Variants in NISCH observed in about 807,000 individuals in gnomAD.
NISCH encodes the protein I-1 receptor candidate protein.
NISCH carries 55 observed loss-of-function variants against 138.4 expected under a neutral mutation model. That is an observed-to-expected ratio of 0.40 (90% confidence interval 0.32 to 0.50). The LOEUF (loss-of-function observed/expected upper bound fraction) is 0.50, where lower values mean the gene tolerates loss of function less well. Ranked by LOEUF, NISCH falls within the 20% of genes least tolerant of loss-of-function variation. NISCH has a pLI of 0.71. For synonymous variants in NISCH, 860 were observed against 861.5 expected, an observed-to-expected ratio of 1.00 and a Z score of 0.03; for missense variants, 1,643 against 2,005.5, an observed-to-expected ratio of 0.82 and a Z score of 3.45.
intron 3 of NISCH, among the ~76,000 whole-genome samples, chr3:52,464,517 CTTTTTTTTTTTT>C (rs71084185): frequency 6.2e-4 from 47 of 75,826 alleles, no homozygotes; most frequent in African/African-American, 2.5e-3. Flanking sequence ...TGTGAGTTGT[CTTTTTTTTTTTT>C]TTTTTTTTTT....
chr3:52,489,702 A>C (rs750764020), intron 17 of NISCH, 24 bp downstream of exon 17: 10 of 1,601,802 alleles, frequency 6.2e-6, no homozygotes, highest in Admixed American at 3.4e-5. Context: ...TGTGGGTGCC[A>C]GCTATGGCAC....
rs527419839 is a variant in NISCH at position 52,492,422 on chromosome 3, G to A, written c.4455G>A (p.Leu1485=). 38 of 1,612,608 alleles carry A rather than the reference G, an allele frequency of 2.4e-5. 1 individual carries two copies. The South Asian group carries it at 3.8e-4, about 16-fold the overall frequency. Residue 1485 remains leucine (L), a synonymous_variant, in exon 21 of 21, where the codon CTG becomes CTA. Coordinates refer to ENST00000345716, the MANE Select transcript of NISCH (RefSeq NM_007184.4). The part of the protein sequence containing the change: ...SAESREKLIS[L]LARQWEALCG... ...AGAGCAGAGAGAAGCTCATCTCGCT[G>A]TTGGCTCGCCAGTGGGAGGCCCTGT...
chr3:52,492,622 G>C lies in NISCH; in HGVS notation c.*140G>C. ...CCTCGCAGAGAATGTGAACATGTGT[G>C]TGTGTTGTGTTAATTCTTTCTCATG... is the stretch of plus-strand genomic sequence containing the variant. On this transcript the variant is annotated 3_prime_UTR_variant, in exon 21 of 21. Coordinates refer to ENST00000345716, the MANE Select transcript of NISCH (RefSeq NM_007184.4). 2.7e-6 allele frequency: 3 copies of C among 1,125,406 alleles called. No homozygotes were observed. The highest frequency in any genetic ancestry group is 3.7e-6 in the Non-Finnish European group (3 of 818,048). 69.7% of individuals were successfully genotyped at this position (1,125,406 alleles called of 1,614,324 possible). A position where few individuals can be genotyped will look rare whatever the true frequency, so the allele number is the denominator to read the frequency against.
intron 16 of NISCH, among the ~76,000 whole-genome samples, 196 bp from the exon 17 acceptor site, chr3:52,489,140 A>G (rs1030412411): frequency 6.6e-6 from 1 of 152,104 alleles, no homozygotes; most frequent in South Asian, 2.1e-4. Flanking sequence ...TCAGCCTCCC[A>G]AAGTGCTGGG....
intron 14 of NISCH, among the ~76,000 whole-genome samples, 198 bp downstream of exon 14, chr3:52,484,835 G>A (rs1385843079): frequency 6.6e-6 from 1 of 151,866 alleles, no homozygotes; most frequent in South Asian, 2.1e-4. Flanking sequence ...AGTGGTTAAG[G>A]GTTTATTTTC....
At chr3:52,462,894 C>T (rs554468139) in intron 3 of NISCH, among the ~76,000 whole-genome samples, 2 of 152,130 alleles carry the variant, frequency 1.3e-5, no homozygotes, top group Non-Finnish European at 2.9e-5. Context: ...CCTCAGCCTC[C>T]CAAAGTGCTG....
intron 7 of NISCH, 35 bp from the exon 8 acceptor site, chr3:52,476,412 C>T (rs756278866): frequency 9.3e-6 from 15 of 1,608,518 alleles, no homozygotes; most frequent in South Asian, 4.4e-5. Context: ...CGTGAGGGCC[C>T]GAGTGTGGTG....
In NISCH at chr3:52,488,168, C is replaced by T; in HGVS notation, c.2676C>T (p.Arg892=). Residue 892 remains arginine, a synonymous_variant, in exon 16 of 21, where the codon CGC becomes CGT. Transcript: ENST00000345716. ...ASCTLCSAVR[R]SCCAPSEAVK... is the part of the protein sequence containing the mutation. ...GCACACTCTGTTCAGCCGTGCGGCGCTCCTGCTGCGCGCCCTCTGAGGCCG... is the reference window on the plus strand; with the variant it reads ...GCACACTCTGTTCAGCCGTGCGGCGTTCCTGCTGCGCGCCCTCTGAGGCCG... The T allele has an allele frequency of 6.2e-7, 1 of 1,613,388 alleles. No individual in the cohort carries two copies. The highest frequency in any genetic ancestry group is 8.5e-7 in the Non-Finnish European group (1 of 1,179,972).
At chr3:52,491,225 C>T in intron 19 of NISCH, 127 bp from the exon 20 acceptor site, 8 of 1,402,014 alleles carry the variant, frequency 5.7e-6, no homozygotes, top group South Asian at 1.5e-5. Flanking sequence ...ATGATTCTTT[C>T]CTGTGTGGGC....
intron 17 of NISCH, 64 bp from the exon 18 acceptor site, chr3:52,490,011 G>T: frequency 6.3e-7 from 1 of 1,591,096 alleles, no homozygotes; most frequent in Non-Finnish European, 8.6e-7. Flanking sequence ...GAAGCTGTGG[G>T]CATGTCCCTG....
intron 3 of NISCH, among the ~76,000 whole-genome samples, chr3:52,461,723 C>T (rs1706636886): frequency 6.6e-6 from 1 of 152,002 alleles, no homozygotes; most frequent in African/African-American, 2.4e-5. Flanking sequence ...ATTAGCCAGG[C>T]ATGGTGGTGG....
intron 8 of NISCH, among the ~76,000 whole-genome samples, chr3:52,476,836 C>A (rs1007882759): frequency 6.6e-6 from 1 of 152,014 alleles, no homozygotes. Flanking sequence ...GAGTTCGAGA[C>A]CAGCCTGACC....
intron 13 of NISCH, 167 bp from the exon 14 acceptor site, chr3:52,484,346 A>G: frequency 3.4e-6 from 2 of 582,220 alleles, no homozygotes; most frequent in South Asian, 4.7e-5. Context: ...AGTTATTTTG[A>G]GATTTCAGTT....
At chr3:52,460,587 A>G (rs1404082144) in intron 3 of NISCH, among the ~76,000 whole-genome samples, 4 of 152,040 alleles carry the variant, frequency 2.6e-5, no homozygotes, top group African/African-American at 9.7e-5. Context: ...ATTTTTTTGT[A>G]GAGATGGGGT....
intron 7 of NISCH, among the ~76,000 whole-genome samples, chr3:52,474,293 G>C (rs557372378): frequency 6.7e-6 from 1 of 149,556 alleles, no homozygotes; most frequent in African/African-American, 2.5e-5. Flanking sequence ...TTTGTTTTTT[G>C]TTGTTGTTGT....
At chr3:52,486,965 G>A (rs569941675) in intron 15 of NISCH, among the ~76,000 whole-genome samples, 1 of 152,228 alleles carries the variant, frequency 6.6e-6, no homozygotes, top group Non-Finnish European at 1.5e-5. Flanking sequence ...TATGGTCCAA[G>A]CCCCTAGAAG....
intron 4 of NISCH, 81 bp from the exon 5 acceptor site, chr3:52,471,733 G>C: frequency 7.1e-7 from 1 of 1,400,704 alleles, no homozygotes; most frequent in Non-Finnish European, 9.5e-7. Context: ...ACTGCTTGTT[G>C]ACAGAAAAGG....
rs771150516 is a variant in NISCH at position 52,488,441 on chromosome 3, C to T, written c.2949C>T (p.Ala983=). Residue 983 remains alanine (A), a synonymous_variant, in exon 16 of 21, where the codon GCC becomes GCT. Coordinates refer to ENST00000345716, the MANE Select transcript of NISCH (RefSeq NM_007184.4). The stretch of plus-strand genomic sequence containing the variant: ...TCGTGGGGTACCGCTTTGTCACTGC[C>T]ATCTTCGTGCTGCCCCACGAGAAGT... ...ELLVGYRFVT[A]IFVLPHEKFH... is the part of the protein sequence containing the mutation. The T allele has an allele frequency of 3.1e-6, 5 of 1,613,640 alleles. No individual in the cohort carries two copies. Among genetic ancestry groups the T allele is most frequent in the African/African-American group, 2.7e-5 (2 of 74,952 alleles).
intron 15 of NISCH, among the ~76,000 whole-genome samples, chr3:52,486,816 C>G (rs1425517105): frequency 1.3e-5 from 2 of 152,224 alleles, no homozygotes; most frequent in Non-Finnish European, 2.9e-5. Context: ...CGGAGGCCAC[C>G]AGGGGTGACA....
Sources: allele counts gnomAD v4.1 joint callset (sites outside exome capture counted in the v4.1 genomes callset), GRCh38; gene constraint gnomAD v4.1.1; transcripts MANE v1.5; gene names NCBI Gene and HGNC (gene_info 2026-07-23, HGNC 2026-07-21).